The following CFHR2 variants were observed in gnomAD, a reference collection of about 807,000 sequenced individuals.
CFHR2 encodes complement factor H related 2, also known as complement factor H-related protein 2.
In CFHR2, 22 loss-of-function variants were observed where a neutral mutation model predicts 21.7. The ratio of observed to expected loss-of-function variants is 1.01; its 90% CI spans 0.72 to 1.45. The LOEUF is 1.45. Ranked by LOEUF, CFHR2 falls within the 40% of genes most tolerant of loss-of-function variation. The pLI, the probability that CFHR2 is intolerant of heterozygous loss-of-function variation, is 0.00. For missense variants in CFHR2, 294 were observed against 293.3 expected, an observed-to-expected ratio of 1.00 and a Z score of -0.02; for synonymous variants, 98 against 97.4, an observed-to-expected ratio of 1.01 and a Z score of -0.04.
chr1:196,957,515 A>G (rs900617613), intron 3 of CFHR2, among the ~76,000 whole-genome samples: 23 of 152,080 alleles, frequency 1.5e-4, no homozygotes, highest in Admixed American at 2.6e-4. Context: ...TTCTTTTGTA[A>G]GGCAAATGAA....
At chr1:196,948,256 CCAAA>C (rs1659591828) in intron 1 of CFHR2, among the ~76,000 whole-genome samples, 1 of 151,660 alleles carries the variant, frequency 6.6e-6, no homozygotes, top group African/African-American at 2.4e-5. Context: ...GTATATCCTC[CCAAA>C]CAATTTATTT....
rs1253477758 is a variant in CFHR2 at position 196,958,031 on chromosome 1, A to G, written c.571A>G (p.Thr191Ala). The G allele has an allele frequency of 1.2e-6, 2 of 1,613,626 alleles. No individual in the cohort carries two copies. Among genetic ancestry groups the G allele is most frequent in the African/African-American group, 1.3e-5 (1 of 74,910 alleles). ...LYQLEGNNQI[T>A]CRNGQWSEPP... The stretch of plus-strand genomic sequence containing the variant: ...TCAACTTGAGGGTAACAATCAAATA[A>G]CATGTAGAAACGGACAATGGTCAGA... The change falls in exon 4 of 5, where the codon ACA becomes GCA. Residue 191 changes from threonine to alanine, a missense_variant. By Grantham distance (58) the Thr-to-Ala change is moderately conservative (BLOSUM62 0). Coordinates refer to ENST00000367415, the MANE Select transcript of CFHR2 (RefSeq NM_005666.4).
At chr1:196,946,244 T>C (rs1306478760) in intron 1 of CFHR2, among the ~76,000 whole-genome samples, 1 of 152,232 alleles carries the variant, frequency 6.6e-6, no homozygotes, top group Admixed American at 6.5e-5. Context: ...TAGGCTAAAC[T>C]AATTTATTTT....
chr1:196,948,273 T>C (rs1229776220), intron 1 of CFHR2, among the ~76,000 whole-genome samples: 10 of 150,406 alleles, frequency 6.6e-5, no homozygotes, highest in Middle Eastern at 7.0e-3. Flanking sequence ...ATTTATTTTA[T>C]TTTATTTTAA....
Position 196,959,296 on chromosome 1 carries a change from T to C in CFHR2, c.*216T>C, listed in dbSNP as rs1042527320. 7 of 451,180 alleles carry C rather than the reference T, an allele frequency of 1.6e-5. No homozygotes were observed. Among genetic ancestry groups the C allele is most frequent in the Non-Finnish European group, 2.7e-5 (7 of 255,600 alleles). 27.9% of individuals were successfully genotyped at this position (451,180 alleles called of 1,614,324 possible). A position where few individuals can be genotyped will look rare whatever the true frequency, so the allele number is the denominator to read the frequency against. On this transcript the variant is annotated 3_prime_UTR_variant, in exon 5 of 5. Coordinates refer to ENST00000367415, the MANE Select transcript of CFHR2 (RefSeq NM_005666.4). ...AGTAACAACCTAGGAATTGTCTTTT[T>C]TTTTCTTTTTAAAAAAATTGACAAT... is the stretch of plus-strand genomic sequence containing the variant.
chr1:196,954,475 A>G (rs565654689), intron 3 of CFHR2, among the ~76,000 whole-genome samples: 21 of 152,136 alleles, frequency 1.4e-4, no homozygotes, highest in Non-Finnish European at 2.8e-4. Flanking sequence ...TCTGGAGGAG[A>G]GTAGCCCCCT....
chr1:196,953,249 T>TATTG (rs1484415299), intron 3 of CFHR2, among the ~76,000 whole-genome samples: 2 of 151,764 alleles, frequency 1.3e-5, no homozygotes, highest in Admixed American at 1.3e-4. Context: ...CAAGATTATT[T>TATTG]ATTTATTTAT....
At chr1:196,950,375 A>G (rs910565013) in intron 2 of CFHR2, among the ~76,000 whole-genome samples, 2 of 152,228 alleles carry the variant, frequency 1.3e-5, no homozygotes, top group African/African-American at 4.8e-5. Flanking sequence ...ATATTTCATC[A>G]TATATATAGT....
intron 3 of CFHR2, among the ~76,000 whole-genome samples, chr1:196,957,284 C>G (rs369415511): frequency 1.3e-5 from 2 of 151,782 alleles, no homozygotes; most frequent in African/African-American, 4.8e-5. Context: ...TTCCTTGAGT[C>G]CTGAAGTCTC....
chr1:196,949,502 G>A lies in CFHR2; in HGVS notation c.106G>A (p.Glu36Lys), dbSNP rs1384613431. The change falls in exon 2 of 5, where the codon GAA (glutamate) becomes AAA (lysine). Residue 36 changes from glutamate (E) to lysine (K), a missense_variant. Coordinates refer to ENST00000367415, the MANE Select transcript of CFHR2 (RefSeq NM_005666.4). ...AATAAACCATGGAATTCTATATGATGAAGAAAAATATAAGCCATTTTCCCA... is the reference window on the plus strand; with the variant it reads ...AATAAACCATGGAATTCTATATGATAAAGAAAAATATAAGCCATTTTCCCA... ...PKINHGILYD[E>K]EKYKPFSQVP... 1 of 1,613,876 alleles carries A rather than the reference G, an allele frequency of 6.2e-7. No homozygotes were observed. Among genetic ancestry groups the A allele is most frequent in the South Asian group, 1.1e-5 (1 of 91,066 alleles).
intron 3 of CFHR2, among the ~76,000 whole-genome samples, chr1:196,955,124 G>A (rs1652815211): frequency 6.6e-6 from 1 of 152,130 alleles, no homozygotes; most frequent in South Asian, 2.1e-4. Flanking sequence ...ACATTTTGCT[G>A]CTTAGAAATT....
chr1:196,948,437 G>A (rs1659599767), intron 1 of CFHR2, among the ~76,000 whole-genome samples: 1 of 151,728 alleles, frequency 6.6e-6, no homozygotes, highest in Non-Finnish European at 1.5e-5. Flanking sequence ...CACCACACCT[G>A]GCTAATTTTT....
intron 1 of CFHR2, among the ~76,000 whole-genome samples, chr1:196,947,412 G>T (rs891119087): frequency 2.0e-5 from 3 of 152,128 alleles, no homozygotes. Context: ...ACAAATGTAT[G>T]AAAATAAACT....
intron 1 of CFHR2, among the ~76,000 whole-genome samples, chr1:196,946,098 G>A (rs1272275524): frequency 6.6e-6 from 1 of 152,164 alleles, no homozygotes; most frequent in African/African-American, 2.4e-5. Context: ...CGGCAGACTT[G>A]TATAGGGCTT....
chr1:196,953,437 C>A (rs975361797), intron 3 of CFHR2, among the ~76,000 whole-genome samples: 4 of 152,010 alleles, frequency 2.6e-5, no homozygotes, highest in African/African-American at 9.7e-5. Context: ...CATGTGTCAC[C>A]ACACCCAGCT....
At position 196,950,930 on chromosome 1, in the gene CFHR2, AAATT is replaced by A. The variant is rs375905519; in HGVS notation, c.334_337del (p.Ile112PhefsTer18). 880 of 1,614,142 alleles carry A rather than the reference AAATT, an allele frequency of 5.5e-4. 9 individuals are homozygous for A. The East Asian group carries it at 0.017, about 31-fold the overall frequency. ...ACACATCTGGAAGGTGATACTGTAC[AAATT>A]ATTTGCAACACAGGATACAGACTTC... is the stretch of plus-strand genomic sequence containing the variant. On this transcript the variant is annotated frameshift_variant, in exon 3 of 5. Coordinates refer to ENST00000367415, the MANE Select transcript of CFHR2 (RefSeq NM_005666.4). LOFTEE classifies it high-confidence loss of function.
rs932614573 is a variant in CFHR2 at position 196,959,237 on chromosome 1, G to A, written c.*157G>A. The A allele has an allele frequency of 1.3e-5, 8 of 600,578 alleles. No homozygotes were observed. Among genetic ancestry groups the A allele is most frequent in the South Asian group, 2.3e-5 (1 of 44,034 alleles). The allele number at this position is 600,578 out of a possible 1,614,324, so 37.2% of individuals were successfully genotyped here. On this transcript the variant is annotated 3_prime_UTR_variant, in exon 5 of 5. Coordinates refer to ENST00000367415, the MANE Select transcript of CFHR2 (RefSeq NM_005666.4). ...AAAATGCAATTACAATCTGAGATGT[G>A]TCACAATGGTGAGGACTATCTTCAC... is the stretch of plus-strand genomic sequence containing the variant.
intron 3 of CFHR2, 45 bp downstream of exon 3, chr1:196,951,073 G>A: frequency 6.2e-7 from 1 of 1,601,176 alleles, no homozygotes; most frequent in East Asian, 2.2e-5. Context: ...ATTATAAAGT[G>A]TAAAAGAAAT....
At chr1:196,958,214 A>G in intron 4 of CFHR2, 141 bp downstream of exon 4, 1 of 671,714 alleles carries the variant, frequency 1.5e-6, no homozygotes. Flanking sequence ...ATATGATAGA[A>G]TGTAAAGTTT....
Sources: allele counts gnomAD v4.1 joint callset (sites outside exome capture counted in the v4.1 genomes callset), GRCh38; gene constraint gnomAD v4.1.1; transcripts MANE v1.5; gene names NCBI Gene and HGNC (gene_info 2026-07-23, HGNC 2026-07-21).